JDP2: variants seen among roughly 807,000 people sequenced by gnomAD.
JDP2 encodes the protein progesterone receptor co-activator.
Under a neutral mutation model 17.1 loss-of-function variants are expected in JDP2, and 9 were observed. That is an observed-to-expected ratio of 0.53 (90% CI 0.32 to 0.92). The LOEUF (loss-of-function observed/expected upper bound fraction) is 0.92. Among genes scored for constraint, JDP2 ranks in the 40% least tolerant of loss-of-function variants. JDP2 has a pLI of 0.04. For missense variants in JDP2, 179 were observed against 220.0 expected (o/e 0.81, Z 1.18); for synonymous variants, 107 against 95.6 (o/e 1.12, Z -0.69).
At chr14:75,453,446 G>A (rs1253611152) in intron 2 of JDP2, among the ~76,000 whole-genome samples, 1 of 152,148 alleles carries the variant, frequency 6.6e-6, no homozygotes, top group Non-Finnish European at 1.5e-5. Flanking sequence ...CTCCCTCTCC[G>A]CAGTACTCCT....
chr14:75,454,171 C>T (rs201035864), intron 2 of JDP2, among the ~76,000 whole-genome samples: 3 of 53,416 alleles, frequency 5.6e-5, no homozygotes, highest in East Asian at 6.6e-4. Flanking sequence ...GAGCTGGTGA[C>T]GTCCCCTCCT....
intron 3 of JDP2, among the ~76,000 whole-genome samples, chr14:75,468,277 C>G (rs1886656696): frequency 6.6e-6 from 1 of 152,188 alleles, no homozygotes; most frequent in African/African-American, 2.4e-5. Flanking sequence ...CTGCTAGATG[C>G]TGGTAGCACA....
intron 2 of JDP2, among the ~76,000 whole-genome samples, chr14:75,441,735 G>T (rs149321297): frequency 6.6e-6 from 1 of 152,104 alleles, no homozygotes; most frequent in Admixed American, 6.5e-5. Context: ...TCTAGTATTC[G>T]CTTTCAGGAC....
At chr14:75,445,484 C>A in intron 2 of JDP2, 1 of 985,414 alleles carries the variant, frequency 1.0e-6, no homozygotes, top group Non-Finnish European at 1.2e-6. Context: ...CCTACCAACT[C>A]CCCAGTCCCC....
rs199610300 is a variant in JDP2, at chr14:75,470,071, GCAC to G, written c.*597_*599del. On this transcript the variant is annotated 3_prime_UTR_variant, in exon 4 of 4. Transcript: ENST00000651602. ...CCAGCCCTGCTGGAGTTTGCTGTGG[GCAC>G]TGAGGCGCGGGCGCCCTTCCAAAGC... 738 of 152,748 alleles carry G rather than the reference GCAC, an allele frequency of 4.8e-3. 4 individuals are homozygous for G. Among genetic ancestry groups the G allele is most frequent in the South Asian group, 8.7e-3 (42 of 4,820 alleles). 9.5% of individuals were successfully genotyped at this position (152,748 alleles called of 1,614,324 possible).
intron 2 of JDP2, among the ~76,000 whole-genome samples, chr14:75,450,311 A>G (rs1252398165): frequency 6.6e-6 from 1 of 152,118 alleles, no homozygotes; most frequent in East Asian, 1.9e-4. Flanking sequence ...ACCGGGGCAC[A>G]CTCATTCCCC....
intron 2 of JDP2, among the ~76,000 whole-genome samples, chr14:75,453,613 G>A (rs1056838413): frequency 1.3e-5 from 2 of 152,222 alleles, no homozygotes; most frequent in African/African-American, 4.8e-5. Context: ...TTACTACCAT[G>A]TGCGGCAGGG....
intron 2 of JDP2, among the ~76,000 whole-genome samples, chr14:75,454,104 G>A (rs889743678): frequency 3.9e-5 from 6 of 152,124 alleles, no homozygotes; most frequent in Middle Eastern, 3.2e-3. Context: ...GAAATGCCGC[G>A]CCACCTGCAG....
chr14:75,449,421 A>G (rs1422064854), intron 2 of JDP2, among the ~76,000 whole-genome samples: 9 of 152,206 alleles, frequency 5.9e-5, no homozygotes. Context: ...ACCCAGTGTA[A>G]TCAAGGCATA....
rs1225237615 is a variant in JDP2 at position 75,471,106 on chromosome 14, C to G, written c.*1631C>G. The G allele has an allele frequency of 3.3e-5, 5 of 152,234 alleles. No individual in the cohort carries two copies. The highest frequency in any genetic ancestry group is 7.3e-5 in the Non-Finnish European group (5 of 68,060). The allele number at this position is 152,234 out of a possible 1,614,324, so 9.4% of individuals were successfully genotyped here. ...CCTGTCACCAACCCACTATGATTGT[C>G]CTCATGGTTGAATAGGAAGCTTATG... On this transcript the variant is annotated 3_prime_UTR_variant, in exon 4 of 4. Coordinates refer to ENST00000651602, the MANE Select transcript of JDP2 (RefSeq NM_001135048.2).
At chr14:75,453,254 G>T (rs988476507) in intron 2 of JDP2, among the ~76,000 whole-genome samples, 4 of 152,284 alleles carry the variant, frequency 2.6e-5, no homozygotes, top group Admixed American at 2.6e-4. Flanking sequence ...TGGTATTTGG[G>T]TGTTTACTTC....
Position 75,430,016 on chromosome 14 carries a change from G to A in JDP2, c.-24+1764G>A, listed in dbSNP as rs1884724064. On this transcript the variant is annotated intron_variant, in intron 1 of 3. Transcript: ENST00000651602. This position sits in a 1 kb window ranked among gnomAD's most constrained non-coding sequence, Gnocchi z 4.5. ...CTCCAAGGAGATGTGTTGCAAAGTG[G>A]TGACAATGCCCCCTAGGAAGGGTTT... 6.6e-6 allele frequency among the ~76,000 whole-genome samples: 1 copy of A among 152,278 alleles called. No individual in the cohort carries two copies. Among genetic ancestry groups the A allele is most frequent in the South Asian group, 2.1e-4 (1 of 4,822 alleles).
intron 3 of JDP2, among the ~76,000 whole-genome samples, chr14:75,464,042 G>A (rs781225153): frequency 2.6e-5 from 4 of 152,244 alleles, no homozygotes; most frequent in African/African-American, 9.6e-5. Context: ...ACAGAAGTGC[G>A]CGGCCTTGGG....
intron 2 of JDP2, among the ~76,000 whole-genome samples, chr14:75,460,661 G>C (rs1886313153): frequency 6.6e-6 from 1 of 152,216 alleles, no homozygotes; most frequent in Non-Finnish European, 1.5e-5. Context: ...GATTTGCCAG[G>C]CTCCTGGCCT....
rs1409074535 is a variant in JDP2, at chr14:75,428,375, G to A, written c.-24+123G>A. The stretch of plus-strand genomic sequence containing the variant: ...GCGAGGAGCCCCAGCCCAGCCCCGC[G>A]GGGAGGCTCCCGCAGCCCAGGGACC... On this transcript the variant is annotated intron_variant, in intron 1 of 3. Coordinates refer to ENST00000651602, the MANE Select transcript of JDP2 (RefSeq NM_001135048.2). The surrounding 1 kb of genome is among the most constrained non-coding windows in gnomAD (Gnocchi z 5.6). 1.3e-5 allele frequency: 2 copies of A among 149,998 alleles called. No individual in the cohort carries two copies. Among genetic ancestry groups the A allele is most frequent in the Non-Finnish European group, 3.0e-5 (2 of 67,256 alleles). The allele number at this position is 149,998 out of a possible 1,614,324, so 9.3% of individuals were successfully genotyped here.
intron 2 of JDP2, among the ~76,000 whole-genome samples, chr14:75,453,766 C>A (rs754714773): frequency 1.1e-4 from 16 of 152,228 alleles, no homozygotes; most frequent in Non-Finnish European, 1.8e-4. Flanking sequence ...AACCAAAGCT[C>A]ACACTGTCAA....
intron 1 of JDP2, among the ~76,000 whole-genome samples, chr14:75,436,636 G>T (rs1034790045): frequency 6.6e-6 from 1 of 152,248 alleles, no homozygotes; most frequent in African/African-American, 2.4e-5. Flanking sequence ...GCCTATAGTA[G>T]GTGGTCAGTA....
rs771975239 is a variant in JDP2, at chr14:75,438,133, T to A, written c.201+12T>A. 6.3e-7 allele frequency: 1 copy of A among 1,585,534 alleles called. No homozygotes were observed. On this transcript the variant is annotated intron_variant, in intron 2 of 3. Transcript: ENST00000651602. ...CCGTGAAAAGTGAGGTGAGCGAGCC[T>A]TTTACCCCTGGCAGATTCCAGGTCT...
intron 2 of JDP2, chr14:75,445,052 CT>C (rs780419358): frequency 6.1e-6 from 6 of 976,796 alleles, no homozygotes; most frequent in Non-Finnish European, 7.3e-6. Context: ...GCTGTCAAGT[CT>C]TCTGTCAATC....
Sources: gnomAD v4.1 joint callset for allele counts (sites outside exome capture counted in the v4.1 genomes callset) on GRCh38, gnomAD v4.1.1 for gene constraint, Gnocchi (gnomAD v3.1) non-coding constraint, MANE v1.5 for transcripts, NCBI Gene and HGNC (gene_info 2026-07-23, HGNC 2026-07-21) for gene names.